PHLDB3: variants seen among roughly 807,000 people sequenced by gnomAD.
PHLDB3 encodes the protein pleckstrin homology like domain family B member 3, also known as pleckstrin homology-like domain family B member 3.
In PHLDB3, 86 loss-of-function variants were observed where a neutral mutation model predicts 85.7. The observed-to-expected ratio is 1.00, with a 90% CI of 0.84 to 1.20. PHLDB3 has a LOEUF of 1.20. Among genes scored for constraint, PHLDB3 ranks in the 50% most tolerant of loss-of-function variants. PHLDB3 has a pLI of 0.00. For missense variants in PHLDB3, 995 were observed against 873.0 expected (o/e 1.14, Z -1.76); for synonymous variants, 376 against 349.8 (o/e 1.07, Z -0.83).
chr19:43,476,928 A>G (rs1970939301), intron 15 of PHLDB3, among the ~76,000 whole-genome samples: 1 of 152,076 alleles, frequency 6.6e-6, no homozygotes, highest in South Asian at 2.1e-4. Context: ...TGTTGGCAGG[A>G]GCCAACTAAC....
chr19:43,486,193 G>A (rs1024580192), intron 13 of PHLDB3, 73 bp downstream of exon 13: 19 of 1,482,302 alleles, frequency 1.3e-5, no homozygotes, highest in Middle Eastern at 2.1e-4. Context: ...AGGGTCAGAT[G>A]TAAGAAAGGG....
intron 9 of PHLDB3, among the ~76,000 whole-genome samples, chr19:43,491,391 C>T (rs1971307810): frequency 6.6e-6 from 1 of 152,098 alleles, no homozygotes; most frequent in Non-Finnish European, 1.5e-5. Flanking sequence ...TGTTTCTTGC[C>T]TCCAAATATT....
Position 43,503,921 on chromosome 19 carries a change from C to T in PHLDB3, c.198G>A (p.Glu66=), listed in dbSNP as rs750049557. 1 of 1,613,928 alleles carries T rather than the reference C, an allele frequency of 6.2e-7. No individual in the cohort carries two copies. The highest frequency in any genetic ancestry group is 1.1e-5 in the South Asian group (1 of 91,090). ...EEEVGEGSST[E]SSRDAPEATP... is the part of the protein sequence containing the mutation. ...GGCCCCTCACCGCGTCGCGGCTGCT[C>T]TCAGTGCTGCTGCCTTCTCCCACTT... Residue 66 remains glutamate (E), a synonymous_variant, in exon 2 of 16, where the codon GAG becomes GAA. Coordinates refer to ENST00000292140, the MANE Select transcript of PHLDB3 (RefSeq NM_198850.4).
At chr19:43,491,276 AACC>A (rs1971305889) in intron 9 of PHLDB3, among the ~76,000 whole-genome samples, 2 of 152,312 alleles carry the variant, frequency 1.3e-5, no homozygotes, top group South Asian at 4.1e-4. Context: ...AACATCTGCT[AACC>A]CTTCACCCAA....
At position 43,501,756 on chromosome 19, in the gene PHLDB3, C is replaced by A. The variant is rs750321318; in HGVS notation, c.512G>T (p.Arg171Leu). 4 of 1,583,882 alleles carry A rather than the reference C, an allele frequency of 2.5e-6. No homozygotes were observed. Among genetic ancestry groups the A allele is most frequent in the Non-Finnish European group, 1.7e-6 (2 of 1,169,978 alleles). The change falls in exon 4 of 16, where the codon CGC becomes CTC. Residue 171 changes from arginine (R) to leucine (L), a missense_variant. By Grantham distance (102) the Arg-to-Leu change is moderately radical. Coordinates refer to ENST00000292140, the MANE Select transcript of PHLDB3 (RefSeq NM_198850.4). ...LLEQQAASEQ[R>L]GRQQREQEQR... ...GACCTGTTCCCGCTGCTGGCGGCCG[C>A]GCTGCTCCGAGGCCGCCTGCTGCTC...
chr19:43,494,919 G>T, intron 8 of PHLDB3, 104 bp from the exon 9 acceptor site: 1 of 806,758 alleles, frequency 1.2e-6, no homozygotes, highest in Non-Finnish European at 2.0e-6. Context: ...CCATTTCTCA[G>T]AAAGAAAAAC....
At chr19:43,485,617 G>C (rs1247664047) in intron 13 of PHLDB3, among the ~76,000 whole-genome samples, 2 of 150,956 alleles carry the variant, frequency 1.3e-5, no homozygotes, top group African/African-American at 2.4e-5. Context: ...GAGTGTAGTG[G>C]TACAATCTCG....
At chr19:43,498,288 G>A (rs1971512371) in intron 4 of PHLDB3, among the ~76,000 whole-genome samples, 1 of 152,082 alleles carries the variant, frequency 6.6e-6, no homozygotes, top group Non-Finnish European at 1.5e-5. Context: ...GCACTGAGCT[G>A]TGTTTGCATC....
At chr19:43,495,654 C>T (rs1469283769) in intron 6 of PHLDB3, 34 bp from the exon 7 acceptor site, 2 of 1,586,764 alleles carry the variant, frequency 1.3e-6, no homozygotes, top group East Asian at 4.6e-5. Context: ...CGGCCCCAGC[C>T]AGCTCTCCAG....
intron 15 of PHLDB3, among the ~76,000 whole-genome samples, 151 bp from the exon 16 acceptor site, chr19:43,475,695 C>G (rs952391819): frequency 6.6e-6 from 1 of 152,160 alleles, no homozygotes; most frequent in African/African-American, 2.4e-5. Flanking sequence ...CAAATGATGC[C>G]ACCTACCTCA....
chr19:43,498,253 T>C (rs113313840), intron 4 of PHLDB3, among the ~76,000 whole-genome samples: 1 of 152,036 alleles, frequency 6.6e-6, no homozygotes, highest in East Asian at 1.9e-4. Flanking sequence ...GTGGGAGGAT[T>C]GCTTGAGCCA....
intron 4 of PHLDB3, 53 bp downstream of exon 4, chr19:43,501,681 A>C: frequency 6.4e-7 from 1 of 1,559,642 alleles, no homozygotes; most frequent in East Asian, 2.4e-5. Context: ...GCACACCAAC[A>C]TCCATGGACC....
chr19:43,478,992 A>G (rs1042219877), intron 14 of PHLDB3, among the ~76,000 whole-genome samples: 4 of 152,190 alleles, frequency 2.6e-5, no homozygotes, highest in African/African-American at 9.7e-5. Flanking sequence ...CCTAGAGAAG[A>G]AGGACAAGGG....
chr19:43,491,910 G>T (rs1971322145), intron 9 of PHLDB3, among the ~76,000 whole-genome samples: 1 of 145,184 alleles, frequency 6.9e-6, no homozygotes, highest in South Asian at 2.1e-4. Flanking sequence ...CTCCCAAAGT[G>T]CTAGGATTAC....
intron 2 of PHLDB3, among the ~76,000 whole-genome samples, 184 bp from the exon 3 acceptor site, chr19:43,502,467 T>C (rs1402779961): frequency 2.7e-5 from 4 of 150,530 alleles, no homozygotes; most frequent in Non-Finnish European, 5.9e-5. Flanking sequence ...CTTTTTTTTT[T>C]TTTTGTCCTG....
At position 43,500,917 on chromosome 19, in the gene PHLDB3, C is replaced by G. The variant is rs1231962567; in HGVS notation, c.534+817G>C. The stretch of plus-strand genomic sequence containing the variant: ...TTTGCCCCGCCCCCCGTACCCCCCC[C>G]CCACCCCGCAAGTACTGGGATTACA... On this transcript the variant is annotated intron_variant, in intron 4 of 15. Transcript: ENST00000292140. Among the ~76,000 whole-genome samples the G allele has an allele frequency of 2.2e-4, 25 of 113,336 alleles. 3 individuals are homozygous for G. Among genetic ancestry groups the G allele is most frequent in the Non-Finnish European group, 3.8e-4 (20 of 52,790 alleles). The allele number at this position is 113,336 out of a possible 152,430, so 74.4% of individuals were successfully genotyped here. A position where few individuals can be genotyped will look rare whatever the true frequency, so the allele number is the denominator to read the frequency against.
chr19:43,475,921 G>T (rs1016644692), intron 15 of PHLDB3, among the ~76,000 whole-genome samples: 2 of 151,942 alleles, frequency 1.3e-5, no homozygotes, highest in African/African-American at 4.8e-5. Flanking sequence ...TCAGCCTCCC[G>T]AGTAGCTGGG....
intron 2 of PHLDB3, among the ~76,000 whole-genome samples, 168 bp downstream of exon 2, chr19:43,503,738 C>T (rs1266753676): frequency 6.6e-6 from 1 of 152,114 alleles, no homozygotes; most frequent in Non-Finnish European, 1.5e-5. Flanking sequence ...TCTCTGGCTC[C>T]GTGTCCTGGT....
At position 43,494,699 on chromosome 19, in the gene PHLDB3, C is replaced by A; in HGVS notation, c.1149+3G>T. 1 of 1,605,636 alleles carries A rather than the reference C, an allele frequency of 6.2e-7. No homozygotes were observed. Among genetic ancestry groups the A allele is most frequent in the Non-Finnish European group, 8.5e-7 (1 of 1,174,574 alleles). ...GGGGAAACAGAGGCCGTGGGGGAGG[C>A]ACCTGCAGGGAGCTGTGGACAGAAA... On this transcript the variant is annotated splice_donor_region_variant and intron_variant, in intron 9 of 15. Coordinates refer to ENST00000292140, the MANE Select transcript of PHLDB3 (RefSeq NM_198850.4).
Sources: allele counts gnomAD v4.1 joint callset (sites outside exome capture counted in the v4.1 genomes callset), GRCh38; gene constraint gnomAD v4.1.1; transcripts MANE v1.5; gene names NCBI Gene and HGNC (gene_info 2026-07-23, HGNC 2026-07-21).